RPS6KC1: variants seen among roughly 807,000 people sequenced by gnomAD.
RPS6KC1 encodes the protein ribosomal protein S6 kinase C1.
In RPS6KC1, 54 loss-of-function variants were observed where a neutral mutation model predicts 103.8. The observed-to-expected ratio is 0.52, with a 90% CI of 0.42 to 0.65. The LOEUF (loss-of-function observed/expected upper bound fraction) is 0.65. Ranked by LOEUF, RPS6KC1 falls within the 30% of genes least tolerant of loss-of-function variation. The pLI, the probability that RPS6KC1 is intolerant of heterozygous loss-of-function variation, is 0.00. For missense variants in RPS6KC1, 1,151 were observed against 1,253.8 expected (o/e 0.92, Z 1.24); for synonymous variants, 439 against 438.7 (o/e 1.00, Z -0.01).
the RPS6KC1 span, among the ~76,000 whole-genome samples, chr1:213,672,856 C>G: frequency 6.6e-6 from 1 of 152,170 alleles, no homozygotes; most frequent in South Asian, 2.1e-4. Flanking sequence ...TTCACCATTT[C>G]CAATCTCAGT....
At chr1:213,361,526 C>T in the RPS6KC1 span, among the ~76,000 whole-genome samples, 1 of 152,384 alleles carries the variant, frequency 6.6e-6, no homozygotes, top group East Asian at 1.9e-4. Context: ...ATGCCTCGCC[C>T]TCCTTTGGCT....
At chr1:213,688,971 G>A in the RPS6KC1 span, among the ~76,000 whole-genome samples, 3 of 152,232 alleles carry the variant, frequency 2.0e-5, no homozygotes, top group Admixed American at 2.0e-4. Context: ...CACGTTGTGG[G>A]AGAGAGAAGG....
At chr1:213,432,950 A>G in the RPS6KC1 span, among the ~76,000 whole-genome samples, 10 of 152,218 alleles carry the variant, frequency 6.6e-5, no homozygotes, top group Non-Finnish European at 1.5e-5. Context: ...ATGAACATGT[A>G]TTAATTTTCT....
At chr1:213,438,415 T>C in the RPS6KC1 span, among the ~76,000 whole-genome samples, 1 of 152,206 alleles carries the variant, frequency 6.6e-6, no homozygotes, top group Admixed American at 6.5e-5. Context: ...AAGATTTAAT[T>C]TTCTTTTTTT....
chr1:213,591,296 A>T, the RPS6KC1 span, among the ~76,000 whole-genome samples: 1 of 152,136 alleles, frequency 6.6e-6, no homozygotes, highest in African/African-American at 2.4e-5. Context: ...CAAGATGGTG[A>T]CTTCTCTTCT....
chr1:213,819,142 A>G, the RPS6KC1 span: 1 of 152,216 alleles, frequency 6.6e-6, no homozygotes, highest in African/African-American at 2.4e-5. Flanking sequence ...AATGAAAAAA[A>G]TAGAGACTGA....
chr1:213,347,122 G>T, the RPS6KC1 span, among the ~76,000 whole-genome samples: 1 of 152,130 alleles, frequency 6.6e-6, no homozygotes, highest in Non-Finnish European at 1.5e-5. Context: ...AAAACTAGGA[G>T]AATTAATCCT....
rs752616574 is a variant in RPS6KC1 at position 213,272,647 on chromosome 1, G to A, written c.*13G>A. 1.3e-6 allele frequency: 2 copies of A among 1,570,682 alleles called. No homozygotes were observed. Among genetic ancestry groups the A allele is most frequent in the East Asian group, 2.2e-5 (1 of 44,616 alleles). On this transcript the variant is annotated 3_prime_UTR_variant, in exon 15 of 15. Coordinates refer to ENST00000366960, the MANE Select transcript of RPS6KC1 (RefSeq NM_012424.6). Reference sequence around the variant, plus strand: ...ACTGATGAGATGAACGTAATGCAGGGTTATCTTCACACATTCTGATCTTCT... The same window carrying A: ...ACTGATGAGATGAACGTAATGCAGGATTATCTTCACACATTCTGATCTTCT...
chr1:213,065,999 T>G (rs1349136004), intron 1 of RPS6KC1, among the ~76,000 whole-genome samples: 1 of 152,194 alleles, frequency 6.6e-6, no homozygotes, highest in Non-Finnish European at 1.5e-5. Flanking sequence ...CTTGTTTTCT[T>G]ATCTGTAAAA....
chr1:213,459,476 TA>T, the RPS6KC1 span, among the ~76,000 whole-genome samples: 1 of 152,130 alleles, frequency 6.6e-6, no homozygotes, highest in Non-Finnish European at 1.5e-5. Context: ...TCTATTTGAT[TA>T]TTTTTTCTTC....
At chr1:213,151,418 G>A (rs1411885092) in intron 6 of RPS6KC1, among the ~76,000 whole-genome samples, 440 of 137,268 alleles carry the variant, frequency 3.2e-3, no homozygotes, top group African/African-American at 0.011. Context: ...CAGTAGGGGC[G>A]GCCGGGCAGA....
At chr1:213,692,847 C>T in the RPS6KC1 span, among the ~76,000 whole-genome samples, 1 of 152,094 alleles carries the variant, frequency 6.6e-6, no homozygotes, top group African/African-American at 2.4e-5. Context: ...TGGCTATGAC[C>T]AATTATTATT....
the RPS6KC1 span, among the ~76,000 whole-genome samples, chr1:213,596,586 C>T: frequency 8.5e-5 from 13 of 152,238 alleles, no homozygotes; most frequent in African/African-American, 1.4e-4. Flanking sequence ...AACCCTGCTG[C>T]GCAGTAAGTG....
chr1:213,282,371 T>TA, the RPS6KC1 span, among the ~76,000 whole-genome samples: 1 of 152,242 alleles, frequency 6.6e-6, no homozygotes, highest in Non-Finnish European at 1.5e-5. Flanking sequence ...CTTGTGCTGT[T>TA]AGTGTTTCAG....
At chr1:213,142,388 C>T (rs1414817018) in intron 6 of RPS6KC1, among the ~76,000 whole-genome samples, 1 of 151,968 alleles carries the variant, frequency 6.6e-6, no homozygotes, top group Admixed American at 6.6e-5. Flanking sequence ...GGTTAAGAAC[C>T]ATTACTGGGG....
At chr1:213,464,337 CTG>C in the RPS6KC1 span, among the ~76,000 whole-genome samples, 3 of 152,074 alleles carry the variant, frequency 2.0e-5, no homozygotes, top group Admixed American at 2.0e-4. Flanking sequence ...ATTTTTCACA[CTG>C]TTATAATTTA....
At chr1:213,699,443 T>C in the RPS6KC1 span, among the ~76,000 whole-genome samples, 4,281 of 152,266 alleles carry the variant, frequency 0.028, 219 homozygotes, top group African/African-American at 0.096. Context: ...TACATTTTCT[T>C]TATCCATTCA....
At chr1:213,518,759 C>G in the RPS6KC1 span, among the ~76,000 whole-genome samples, 1 of 152,170 alleles carries the variant, frequency 6.6e-6, no homozygotes, top group African/African-American at 2.4e-5. Context: ...CCTTGCCCAG[C>G]TGAACCTTTC....
At chr1:213,720,016 C>A in the RPS6KC1 span, among the ~76,000 whole-genome samples, 2 of 152,114 alleles carry the variant, frequency 1.3e-5, no homozygotes, top group Non-Finnish European at 2.9e-5. Flanking sequence ...TCCTCTTTCC[C>A]CACACTTTTA....
Sources: gnomAD v4.1 joint callset for allele counts (sites outside exome capture counted in the v4.1 genomes callset) on GRCh38, gnomAD v4.1.1 for gene constraint, MANE v1.5 for transcripts, NCBI Gene and HGNC (gene_info 2026-07-23, HGNC 2026-07-21) for gene names.